Variants in CPNE8 observed in about 807,000 individuals in gnomAD.
CPNE8 encodes copine 8.
Under a neutral mutation model 81.5 loss-of-function variants are expected in CPNE8, and 45 were observed. The ratio of observed to expected loss-of-function variants is 0.55; its 90% CI spans 0.44 to 0.71. CPNE8 has a LOEUF of 0.71. Ranked by LOEUF, CPNE8 falls within the 30% of genes least tolerant of loss-of-function variation. The pLI is 0.00. For synonymous variants in CPNE8, 252 were observed against 226.3 expected, an observed-to-expected ratio of 1.11 and a Z score of -1.02; for missense variants, 594 against 672.1, an observed-to-expected ratio of 0.88 and a Z score of 1.28.
At chr12:38,730,661 T>G (rs1000180050) in intron 10 of CPNE8, among the ~76,000 whole-genome samples, 6 of 151,676 alleles carry the variant, frequency 4.0e-5, no homozygotes, top group African/African-American at 1.5e-4. Context: ...AAATCATCTA[T>G]TATTCAAATG....
At chr12:38,858,032 TC>T (rs1224073081) in intron 3 of CPNE8, among the ~76,000 whole-genome samples, 1 of 152,210 alleles carries the variant, frequency 6.6e-6, no homozygotes, top group Non-Finnish European at 1.5e-5. Context: ...TGTATATAAA[TC>T]CTTTTGAAAA....
intron 13 of CPNE8, among the ~76,000 whole-genome samples, chr12:38,711,331 G>T (rs1279949745): frequency 1.3e-5 from 2 of 152,168 alleles, no homozygotes; most frequent in Non-Finnish European, 2.9e-5. Context: ...TCCTGACGAT[G>T]AGGCATACCT....
Position 38,682,667 on chromosome 12 carries a change from T to C in CPNE8, c.1271+2823A>G, listed in dbSNP as rs1307613144. Reference sequence around the variant, plus strand: ...ATGTATATATGTGCATGTATATGAATGTCACAATGAATAATTCCTCCCTTC... The same window carrying C: ...ATGTATATATGTGCATGTATATGAACGTCACAATGAATAATTCCTCCCTTC... On this transcript the variant is annotated intron_variant, in intron 16 of 19. Transcript: ENST00000331366. Among the ~76,000 whole-genome samples, 3 of 152,216 alleles carry C rather than the reference T, an allele frequency of 2.0e-5. No homozygotes were observed. In the East Asian group the frequency reaches 5.8e-4, roughly 29 times the overall value.
At chr12:38,756,543 A>G (rs994843674) in intron 10 of CPNE8, among the ~76,000 whole-genome samples, 1 of 152,034 alleles carries the variant, frequency 6.6e-6, no homozygotes, top group African/African-American at 2.4e-5. Flanking sequence ...TTTCATAGAG[A>G]CAGGGTCTTG....
At chr12:38,798,648 C>G (rs1476432552) in intron 6 of CPNE8, among the ~76,000 whole-genome samples, 1 of 151,414 alleles carries the variant, frequency 6.6e-6, no homozygotes, top group African/African-American at 2.4e-5. Context: ...AACTAACGAG[C>G]AAAATAACGA....
At chr12:38,799,895 C>G (rs1425636917) in intron 6 of CPNE8, among the ~76,000 whole-genome samples, 1 of 151,956 alleles carries the variant, frequency 6.6e-6, no homozygotes, top group Non-Finnish European at 1.5e-5. Context: ...AAAGGTGTGA[C>G]TGACGCACCT....
chr12:38,861,675 T>G (rs1356163848), intron 3 of CPNE8, among the ~76,000 whole-genome samples: 1 of 152,144 alleles, frequency 6.6e-6, no homozygotes. Flanking sequence ...TGGAATAATA[T>G]ATTAAATATA....
intron 16 of CPNE8, among the ~76,000 whole-genome samples, chr12:38,678,313 G>C (rs949679792): frequency 1.3e-5 from 2 of 151,852 alleles, no homozygotes; most frequent in Admixed American, 6.6e-5. Flanking sequence ...GTAATTTAGA[G>C]GGGAATTTTA....
intron 19 of CPNE8, among the ~76,000 whole-genome samples, chr12:38,662,714 G>T (rs1357177379): frequency 2.0e-5 from 3 of 152,144 alleles, no homozygotes; most frequent in South Asian, 2.1e-4. Context: ...AAAGCTGAAG[G>T]TATCACATTA....
At chr12:38,769,397 GATCAAA>G (rs1157658562) in intron 7 of CPNE8, among the ~76,000 whole-genome samples, 2 of 151,936 alleles carry the variant, frequency 1.3e-5, no homozygotes, top group Non-Finnish European at 2.9e-5. Context: ...GAGGTTTAAA[GATCAAA>G]AAGTTCTATA....
intron 1 of CPNE8, among the ~76,000 whole-genome samples, chr12:38,888,426 T>C (rs2137136354): frequency 6.6e-6 from 1 of 152,340 alleles, no homozygotes; most frequent in Middle Eastern, 3.4e-3. Context: ...TTGGTTTTTT[T>C]CTTCCTCCAG....
At chr12:38,701,548 C>A (rs1163569379) in intron 14 of CPNE8, among the ~76,000 whole-genome samples, 1 of 152,090 alleles carries the variant, frequency 6.6e-6, no homozygotes, top group Non-Finnish European at 1.5e-5. Flanking sequence ...GTTTGGAGTA[C>A]AGTGGCACAA....
At chr12:38,867,849 G>T (rs190349782) in intron 3 of CPNE8, among the ~76,000 whole-genome samples, 1 of 151,920 alleles carries the variant, frequency 6.6e-6, no homozygotes, top group Non-Finnish European at 1.5e-5. Flanking sequence ...TACAACATCC[G>T]TTACTTCAAG....
At chr12:38,683,210 A>G (rs1939449989) in intron 16 of CPNE8, among the ~76,000 whole-genome samples, 1 of 152,190 alleles carries the variant, frequency 6.6e-6, no homozygotes, top group African/African-American at 2.4e-5. Context: ...AGCATTCTTT[A>G]AAATGCTTCT....
At chr12:38,814,450 G>A (rs1401644939) in intron 6 of CPNE8, among the ~76,000 whole-genome samples, 1 of 150,912 alleles carries the variant, frequency 6.6e-6, no homozygotes, top group Non-Finnish European at 1.5e-5. Context: ...CTGAGTAACT[G>A]GGACTACAGG....
At position 38,653,719 on chromosome 12, in the gene CPNE8, T is replaced by G; in HGVS notation, c.*163A>C. On this transcript the variant is annotated 3_prime_UTR_variant, in exon 20 of 20. Transcript: ENST00000331366. ...TCATGCAACAACCATATTTACAGTTTTGGTTTAGGAAGATATTTAAATTTG... is the reference window on the plus strand; with the variant it reads ...TCATGCAACAACCATATTTACAGTTGTGGTTTAGGAAGATATTTAAATTTG... 2 of 1,012,306 alleles carry G rather than the reference T, an allele frequency of 2.0e-6. No individual in the cohort carries two copies. The highest frequency in any genetic ancestry group is 2.6e-6 in the Non-Finnish European group (2 of 761,224). 62.7% of individuals were successfully genotyped at this position (1,012,306 alleles called of 1,614,324 possible). A position where few individuals can be genotyped will look rare whatever the true frequency, so the allele number is the denominator to read the frequency against.
intron 19 of CPNE8, among the ~76,000 whole-genome samples, chr12:38,663,406 C>A (rs1332043410): frequency 6.6e-6 from 1 of 151,980 alleles, no homozygotes; most frequent in Non-Finnish European, 1.5e-5. Flanking sequence ...TGAGAAAATG[C>A]TGAAAAATCA....
chr12:38,906,219 T>G, upstream of CPNE8: 1 of 985,476 alleles, frequency 1.0e-6, no homozygotes, highest in Non-Finnish European at 1.2e-6. Context: ...TCCCAGCTTC[T>G]GGACTGCCCA....
chr12:38,906,025 T>A (rs1421220619), upstream of CPNE8: 3 of 988,554 alleles, frequency 3.0e-6, no homozygotes, highest in East Asian at 2.2e-4. Flanking sequence ...GTCAATCAGG[T>A]GTGGACGGGA....
Sources: gnomAD v4.1 joint callset for allele counts (sites outside exome capture counted in the v4.1 genomes callset) on GRCh38, gnomAD v4.1.1 for gene constraint, MANE v1.5 for transcripts, NCBI Gene and HGNC (gene_info 2026-07-23, HGNC 2026-07-21) for gene names.